The following DYNC1LI1 variants were observed in gnomAD, a reference collection of about 807,000 sequenced individuals.
DYNC1LI1 encodes cytoplasmic dynein 1 light intermediate chain 1.
A neutral mutation model predicts 63.8 loss-of-function variants in DYNC1LI1; 19 were observed. The observed-to-expected ratio is 0.30, with a 90% CI of 0.21 to 0.44. DYNC1LI1 has a LOEUF of 0.44. DYNC1LI1 is among the 20% of genes least tolerant of loss of function. DYNC1LI1 has a pLI of 1.00. For missense variants in DYNC1LI1, 565 were observed against 630.2 expected (o/e 0.90, Z 1.11); for synonymous variants, 225 against 232.3 (o/e 0.97, Z 0.28).
rs1177703357 is a variant in DYNC1LI1 at position 32,526,372 on chromosome 3, A to G, written c.*427T>C. ...TTTTCTCTGTCAGCAAAACTAACAA[A>G]TTTTTAAAAATGATTTTAATAGTTA... On this transcript the variant is annotated 3_prime_UTR_variant, in exon 13 of 13. Transcript: ENST00000273130. 3 of 153,254 alleles carry G rather than the reference A, an allele frequency of 2.0e-5. No homozygotes were observed. The highest frequency in any genetic ancestry group is 6.5e-5 in the Admixed American group (1 of 15,364). 9.5% of individuals were successfully genotyped at this position (153,254 alleles called of 1,614,324 possible).
At chr3:32,569,253 A>G (rs1390301348) in intron 2 of DYNC1LI1, among the ~76,000 whole-genome samples, 1 of 152,222 alleles carries the variant, frequency 6.6e-6, no homozygotes, top group Non-Finnish European at 1.5e-5. Flanking sequence ...GGTGCTTTCA[A>G]CCACATTAAA....
intron 2 of DYNC1LI1, among the ~76,000 whole-genome samples, chr3:32,549,219 T>C (rs1559440391): frequency 1.3e-5 from 2 of 151,678 alleles, no homozygotes; most frequent in Non-Finnish European, 2.9e-5. Context: ...CGGCATTTAA[T>C]TTATAAGTAC....
At chr3:32,533,550 A>G (rs142708200) in intron 7 of DYNC1LI1, among the ~76,000 whole-genome samples, 29 of 151,162 alleles carry the variant, frequency 1.9e-4, no homozygotes, top group African/African-American at 6.8e-4. Context: ...ATTACCTCCC[A>G]ATTTTATACG....
chr3:32,561,023 AAAAAAAAAAACAAAC>A (rs1559444449), intron 2 of DYNC1LI1, among the ~76,000 whole-genome samples: 2 of 141,068 alleles, frequency 1.4e-5, no homozygotes, highest in African/African-American at 5.9e-5. Flanking sequence ...AAAAAAAAAA[AAAAAAAAAAACAAAC>A]AAAAAAAACA....
At chr3:32,538,013 A>AT (rs1697816361) in intron 5 of DYNC1LI1, among the ~76,000 whole-genome samples, 3 of 35,748 alleles carry the variant, frequency 8.4e-5, no homozygotes, top group African/African-American at 4.8e-4. Context: ...TATATAATAT[A>AT]TATATATAAT....
Position 32,547,716 on chromosome 3 carries a change from G to T in DYNC1LI1, c.221-1751C>A, listed in dbSNP as rs188607443. ...ATGAAACATTTTCTAATACTTCACA[G>T]CAATAAGTGTAACCTTAAATAGGTA... On this transcript the variant is annotated intron_variant, in intron 2 of 12. Transcript: ENST00000273130. Among the ~76,000 whole-genome samples the T allele has an allele frequency of 3.4e-3, 513 of 152,220 alleles. 4 individuals are homozygous for T. Among genetic ancestry groups the T allele is most frequent in the Middle Eastern group, 6.8e-3 (2 of 294 alleles).
rs1697623235 is a variant in DYNC1LI1, at chr3:32,526,679, G to A, written c.*120C>T. On this transcript the variant is annotated 3_prime_UTR_variant, in exon 13 of 13. Transcript: ENST00000273130. ...CACACACACACACACACACACACACGACATAAATTTAGTCCATCTGAAGAA... is the reference window on the plus strand; with the variant it reads ...CACACACACACACACACACACACACAACATAAATTTAGTCCATCTGAAGAA... 7.8e-6 allele frequency: 5 copies of A among 643,514 alleles called. No individual in the cohort carries two copies. The highest frequency in any genetic ancestry group is 1.8e-5 in the South Asian group (1 of 55,296). 39.9% of individuals were successfully genotyped at this position (643,514 alleles called of 1,614,324 possible).
intron 2 of DYNC1LI1, among the ~76,000 whole-genome samples, chr3:32,547,680 T>A (rs1697974875): frequency 6.6e-6 from 1 of 152,172 alleles, no homozygotes; most frequent in Non-Finnish European, 1.5e-5. Flanking sequence ...CCAGGCAGAC[T>A]GGTTCTTTTT....
chr3:32,545,291 A>G, intron 3 of DYNC1LI1, 185 bp from the exon 4 acceptor site: 1 of 600,138 alleles, frequency 1.7e-6, no homozygotes, highest in South Asian at 2.0e-5. Flanking sequence ...CTGCCAGTAA[A>G]GTTCAACTGT....
chr3:32,551,684 AG>A (rs1263504891), intron 2 of DYNC1LI1, among the ~76,000 whole-genome samples: 1 of 152,208 alleles, frequency 6.6e-6, no homozygotes, highest in Non-Finnish European at 1.5e-5. Flanking sequence ...CTATACTCAA[AG>A]GCTGATTTGG....
chr3:32,551,057 A>G (rs1349830875), intron 2 of DYNC1LI1, among the ~76,000 whole-genome samples: 5 of 152,148 alleles, frequency 3.3e-5, no homozygotes, highest in African/African-American at 1.2e-4. Flanking sequence ...TAAGCCAAAC[A>G]CTAAGAATAT....
intron 4 of DYNC1LI1, among the ~76,000 whole-genome samples, chr3:32,543,293 GTTT>G (rs1370114223): frequency 4.0e-5 from 6 of 150,870 alleles, no homozygotes; most frequent in Admixed American, 2.6e-4. Flanking sequence ...TACATTTTAA[GTTT>G]TTACTGTTTT....
Position 32,541,206 on chromosome 3 carries a change from A to G in DYNC1LI1, c.569T>C (p.Leu190Ser). ...PEEMKQMEQKLIRDFQEYVEP... is the reference protein window; with the variant it reads ...PEEMKQMEQKSIRDFQEYVEP... Reference sequence around the variant, plus strand: ...TACATATTCTTGGAAGTCTCTAATCACTGAAAATCAAAGTAAACACAATTT... The same window carrying G: ...TACATATTCTTGGAAGTCTCTAATCGCTGAAAATCAAAGTAAACACAATTT... The change falls in exon 5 of 13, where the codon TTG becomes TCG. Residue 190 changes from leucine to serine, a missense_variant and splice_region_variant. By Grantham distance (145) the Leu-to-Ser change is moderately radical. Transcript: ENST00000273130. 1 of 1,573,908 alleles carries G rather than the reference A, an allele frequency of 6.4e-7. No homozygotes were observed. The highest frequency in any genetic ancestry group is 8.6e-7 in the Non-Finnish European group (1 of 1,158,762).
rs747625900 is a variant in DYNC1LI1, at chr3:32,570,801, G to C, written c.-31C>G. 5 of 1,589,096 alleles carry C rather than the reference G, an allele frequency of 3.1e-6. No homozygotes were observed. Among genetic ancestry groups the C allele is most frequent in the Non-Finnish European group, 4.3e-6 (5 of 1,165,562 alleles). On this transcript the variant is annotated 5_prime_UTR_variant, in exon 1 of 13. Transcript: ENST00000273130. Reference sequence around the variant, plus strand: ...TCGGGAATCACACCACTCCCGGCAAGACTAAATGTGCGAGGCGGCTGAGGC... The same window carrying C: ...TCGGGAATCACACCACTCCCGGCAACACTAAATGTGCGAGGCGGCTGAGGC...
intron 5 of DYNC1LI1, among the ~76,000 whole-genome samples, chr3:32,537,927 ATATATATAT>A (rs1559436144): frequency 0.049 from 1,627 of 33,254 alleles, 357 homozygotes; most frequent in African/African-American, 0.24. Context: ...TATATATATA[ATATATATAT>A]AATATATATA....
At chr3:32,561,038 C>CAAAAA (rs1170976154) in intron 2 of DYNC1LI1, among the ~76,000 whole-genome samples, 2 of 81,960 alleles carry the variant, frequency 2.4e-5, no homozygotes, top group African/African-American at 9.9e-5. Flanking sequence ...AAAAAACAAA[C>CAAAAA]AAAAAAAACA....
At chr3:32,527,601 A>G (rs1202183763) in intron 12 of DYNC1LI1, among the ~76,000 whole-genome samples, 1 of 152,202 alleles carries the variant, frequency 6.6e-6, no homozygotes, top group Non-Finnish European at 1.5e-5. Context: ...ACATTTTGGC[A>G]GTCCTTCAAA....
At position 32,528,696 on chromosome 3, in the gene DYNC1LI1, C is replaced by G. The variant is rs1021895226; in HGVS notation, c.1307-95G>C. 6.4e-6 allele frequency: 8 copies of G among 1,253,696 alleles called. No homozygotes were observed. The Admixed American group carries it at 1.6e-4, about 24-fold the overall frequency. 77.7% of individuals were successfully genotyped at this position (1,253,696 alleles called of 1,614,324 possible). A position where few individuals can be genotyped will look rare whatever the true frequency, so the allele number is the denominator to read the frequency against. On this transcript the variant is annotated intron_variant, in intron 11 of 12. Transcript: ENST00000273130. ...TAATCACACATAGAAAATGAATAAA[C>G]TTAAATTTTAAGAGTTTTATATTCC...
rs548069605 is a variant in DYNC1LI1, at chr3:32,545,729, C to A, written c.337+120G>T. The A allele has an allele frequency of 2.3e-4, 174 of 748,448 alleles. 2 individuals are homozygous for A. In the African/African-American group the frequency reaches 2.6e-3, roughly 11 times the overall value. The allele number at this position is 748,448 out of a possible 1,614,324, so 46.4% of individuals were successfully genotyped here. Reference sequence around the variant, plus strand: ...TGGCTAAACATAGCTATTTCTTGACCAGCATGACATCACAGAACTTCTAGT... The same window carrying A: ...TGGCTAAACATAGCTATTTCTTGACAAGCATGACATCACAGAACTTCTAGT... On this transcript the variant is annotated intron_variant, in intron 3 of 12. Transcript: ENST00000273130.
Sources: gnomAD v4.1 joint callset for allele counts (sites outside exome capture counted in the v4.1 genomes callset) on GRCh38, gnomAD v4.1.1 for gene constraint, MANE v1.5 for transcripts, NCBI Gene and HGNC (gene_info 2026-07-23, HGNC 2026-07-21) for gene names.